Variants in DOC2B observed in about 807,000 individuals in gnomAD.
The protein encoded by DOC2B is double C2-like domain-containing protein beta.
In DOC2B, 21 loss-of-function variants were observed where a neutral mutation model predicts 28.9. The ratio of observed to expected loss-of-function variants is 0.73; its 90% CI spans 0.52 to 1.05. The LOEUF is 1.05. Among genes scored for constraint, DOC2B ranks in the 50% least tolerant of loss-of-function variants. DOC2B has a pLI of 0.00. For synonymous variants in DOC2B, 194 were observed against 178.1 expected, an observed-to-expected ratio of 1.09 and a Z score of -0.71; for missense variants, 384 against 421.1, an observed-to-expected ratio of 0.91 and a Z score of 0.77.
chr17:158,482 T>C (rs2040161706), intron 5 of DOC2B, among the ~76,000 whole-genome samples: 1 of 152,178 alleles, frequency 6.6e-6, no homozygotes, highest in Non-Finnish European at 1.5e-5. Flanking sequence ...AGCAGGGATG[T>C]TGAGCAGGGA....
At position 161,719 on chromosome 17, in the gene DOC2B, G is replaced by T. The variant is rs574607661; in HGVS notation, c.639-178C>A. ...GGGGCAGAGTGTGGCACGATATCAG[G>T]CACTGTCCTCATGGACAAGTGTCCT... On this transcript the variant is annotated intron_variant, in intron 4 of 8. Transcript: ENST00000613549. Among the ~76,000 whole-genome samples, 74 of 152,346 alleles carry T rather than the reference G, an allele frequency of 4.9e-4. 1 individual carries two copies. In the South Asian group the frequency reaches 0.015, roughly 31 times the overall value.
intron 5 of DOC2B, 81 bp downstream of exon 5, chr17:161,334 C>T: frequency 7.1e-7 from 1 of 1,413,028 alleles, no homozygotes; most frequent in Non-Finnish European, 9.8e-7. Context: ...CTCATGAGTC[C>T]CATCACAGGC....
chr17:150,424 A>C (rs1215419155), intron 6 of DOC2B, among the ~76,000 whole-genome samples: 2 of 151,888 alleles, frequency 1.3e-5, no homozygotes, highest in African/African-American at 4.8e-5. Context: ...CATCCCTAGA[A>C]GTGAAGGCAC....
chr17:164,020 C>T, intron 3 of DOC2B, 110 bp downstream of exon 3: 1 of 837,462 alleles, frequency 1.2e-6, no homozygotes, highest in Non-Finnish European at 1.9e-6. Context: ...CTGTGGGCCT[C>T]CCTGGGTGCC....
At position 181,085 on chromosome 17, in the gene DOC2B, A is replaced by G; in HGVS notation, c.373+22T>C. The G allele has an allele frequency of 8.1e-7, 1 of 1,234,150 alleles. No homozygotes were observed. Among genetic ancestry groups the G allele is most frequent in the Non-Finnish European group, 1.0e-6 (1 of 986,634 alleles). The allele number at this position is 1,234,150 out of a possible 1,614,324, so 76.4% of individuals were successfully genotyped here. On this transcript the variant is annotated intron_variant, in intron 1 of 8. Coordinates refer to ENST00000613549, the MANE Select transcript of DOC2B (RefSeq NM_003585.5). The surrounding 1 kb of genome is among the most constrained non-coding windows in gnomAD (Gnocchi z 7.0). The stretch of plus-strand genomic sequence containing the variant: ...GCCCGAGCCAGGGGAGGGGGCGCGA[A>G]GTCGGCGCGTGGGAAACTTACTGCA...
rs2039998498 is a variant in DOC2B at position 143,538 on chromosome 17, T to A, written c.*3903A>T. ...GTGTGTCTCTGTGTGTGTAGAGGCG[T>A]GGTTTCTCCATGTTGACCAGGCTGG... On this transcript the variant is annotated 3_prime_UTR_variant, in exon 9 of 9. Transcript: ENST00000613549. 1.3e-5 allele frequency: 2 copies of A among 151,204 alleles called. No individual in the cohort carries two copies. Among genetic ancestry groups the A allele is most frequent in the Non-Finnish European group, 3.0e-5 (2 of 67,616 alleles). 9.4% of individuals were successfully genotyped at this position (151,204 alleles called of 1,614,324 possible).
At chr17:160,012 C>T (rs371786600) in intron 5 of DOC2B, among the ~76,000 whole-genome samples, 5 of 144,626 alleles carry the variant, frequency 3.5e-5, no homozygotes, top group East Asian at 2.0e-4. Flanking sequence ...GAGTCTTGCT[C>T]TTGCTCTTGT....
intron 8 of DOC2B, 136 bp downstream of exon 8, chr17:148,037 G>A: frequency 2.5e-6 from 1 of 396,314 alleles, no homozygotes; most frequent in Non-Finnish European, 4.4e-6. Flanking sequence ...GGGTCAGGCT[G>A]GAGAAGGTCT....
At chr17:148,507 G>T in intron 7 of DOC2B, among the ~76,000 whole-genome samples, 1 of 152,080 alleles carries the variant, frequency 6.6e-6, no homozygotes, top group Admixed American at 6.5e-5. Context: ...CCCACACCCC[G>T]GGAGCCTCCT....
Position 181,567 on chromosome 17 carries a change from G to T in DOC2B, c.-88C>A. The T allele has an allele frequency of 1.5e-6, 1 of 656,640 alleles. No homozygotes were observed. Among genetic ancestry groups the T allele is most frequent in the Non-Finnish European group, 1.9e-6 (1 of 532,768 alleles). The allele number at this position is 656,640 out of a possible 1,614,324, so 40.7% of individuals were successfully genotyped here. ...CTCAGCAGGCCCGGCGGGGCGCGGC[G>T]GGGGCTGCGGGCATCGCCGGCCGCG... On this transcript the variant is annotated 5_prime_UTR_variant, in exon 1 of 9. Coordinates refer to ENST00000613549, the MANE Select transcript of DOC2B (RefSeq NM_003585.5). The surrounding 1 kb of genome is among the most constrained non-coding windows in gnomAD (Gnocchi z 7.0).
At chr17:179,780 C>T (rs1016750551) in intron 1 of DOC2B, among the ~76,000 whole-genome samples, 1 of 23,108 alleles carries the variant, frequency 4.3e-5, no homozygotes, top group African/African-American at 8.9e-5. Context: ...AGCCCCCACG[C>T]CCCAGGGCAG....
chr17:169,241 G>C (rs2040284419), intron 2 of DOC2B, among the ~76,000 whole-genome samples: 1 of 151,944 alleles, frequency 6.6e-6, no homozygotes, highest in Non-Finnish European at 1.5e-5. Context: ...CAGATCCCGG[G>C]GACTGCAGAC....
intron 1 of DOC2B, among the ~76,000 whole-genome samples, chr17:175,270 C>T (rs768183913): frequency 1.3e-5 from 2 of 152,138 alleles, no homozygotes; most frequent in African/African-American, 2.4e-5. Flanking sequence ...TTGAGTGAAG[C>T]CTGAGGCACG....
Position 172,557 on chromosome 17 carries a change from A to T in DOC2B, c.433T>A (p.Cys145Ser). 6.4e-7 allele frequency: 1 copy of T among 1,551,166 alleles called. No individual in the cohort carries two copies. Among genetic ancestry groups the T allele is most frequent in the Non-Finnish European group, 8.7e-7 (1 of 1,146,690 alleles). The change falls in exon 2 of 9, where the codon TGC becomes AGC. Residue 145 changes from cysteine (C) to serine (S), a missense_variant. Coordinates refer to ENST00000613549, the MANE Select transcript of DOC2B (RefSeq NM_003585.5). ...CCTACCTTGGCCTTGGTGATGGTGC[A>T]GTGGAGGGCGTTGTTCTCCTGGTCA... The part of the protein sequence containing the change: ...LYDQENNALH[C>S]TITKAKGLKP...
intron 2 of DOC2B, among the ~76,000 whole-genome samples, chr17:165,672 C>T (rs7502403): frequency 0.74 from 112,026 of 151,778 alleles, 42,057 homozygotes; most frequent in East Asian, 0.86. Context: ...TGAGCTGTGC[C>T]CTGCACTGTG....
Position 161,326 on chromosome 17 carries a change from C to T in DOC2B, c.765+89G>A, listed in dbSNP as rs192464890. ...TCCCCTCCCCTCTCACTCTGCCCCT[C>T]ATGAGTCCCATCACAGGCAGGAAGT... On this transcript the variant is annotated intron_variant, in intron 5 of 8. Transcript: ENST00000613549. 2.9e-6 allele frequency: 4 copies of T among 1,361,676 alleles called. No homozygotes were observed. The East Asian group carries it at 1.0e-4, about 34-fold the overall frequency. 84.3% of individuals were successfully genotyped at this position (1,361,676 alleles called of 1,614,324 possible).
chr17:174,295 G>A (rs935258435), intron 1 of DOC2B, among the ~76,000 whole-genome samples: 22 of 152,182 alleles, frequency 1.4e-4, no homozygotes, highest in African/African-American at 4.6e-4. Context: ...CTTATCTAAC[G>A]TCTTTATGCC....
In DOC2B at chr17:157,043, G is replaced by A. The variant is rs151294136; in HGVS notation, c.766-666C>T. 3.3e-4 allele frequency among the ~76,000 whole-genome samples: 51 copies of A among 152,322 alleles called. 1 individual carries two copies. In the East Asian group the frequency reaches 9.7e-3, roughly 29 times the overall value. ...TCTCTATGGCTGCTTTTGCCCTAAG[G>A]ACAGAGCTGCATGGTGGCCACAGAT... On this transcript the variant is annotated intron_variant, in intron 5 of 8. Coordinates refer to ENST00000613549, the MANE Select transcript of DOC2B (RefSeq NM_003585.5).
intron 6 of DOC2B, among the ~76,000 whole-genome samples, chr17:153,700 C>CAAAAAAAAAAAAAAAAAAAAAAAAAA (rs986649114): frequency 7.2e-6 from 1 of 138,180 alleles, no homozygotes. Flanking sequence ...GACTCTGTCT[C>CAAAAAAAAAAAAAAAAAAAAAAAAAA]AAAAAAAAAA....
Sources: gnomAD v4.1 joint callset for allele counts (sites outside exome capture counted in the v4.1 genomes callset) on GRCh38, gnomAD v4.1.1 for gene constraint, Gnocchi (gnomAD v3.1) non-coding constraint, MANE v1.5 for transcripts, NCBI Gene and HGNC (gene_info 2026-07-23, HGNC 2026-07-21) for gene names.